NTM: variants seen among roughly 807,000 people sequenced by gnomAD.
NTM encodes the protein IgLON family member 2.
A neutral mutation model predicts 42.1 loss-of-function variants in NTM; 13 were observed. The ratio of observed to expected loss-of-function variants is 0.31; its 90% CI spans 0.20 to 0.49. The LOEUF (loss-of-function observed/expected upper bound fraction) is 0.49, where lower values mean the gene tolerates loss of function less well. NTM is among the 20% of genes least tolerant of loss of function. The pLI, the probability that NTM is intolerant of heterozygous loss-of-function variation, is 0.99. For missense variants in NTM, 373 were observed against 452.8 expected, an observed-to-expected ratio of 0.82 and a Z score of 1.60; for synonymous variants, 187 against 179.2, an observed-to-expected ratio of 1.04 and a Z score of -0.35.
At chr11:131,476,408 T>C (rs1952946768) in intron 1 of NTM, among the ~76,000 whole-genome samples, 1 of 152,150 alleles carries the variant, frequency 6.6e-6, no homozygotes, top group Non-Finnish European at 1.5e-5. Context: ...TTGGAGAAGG[T>C]CTCCCTGCTC....
intron 1 of NTM, among the ~76,000 whole-genome samples, chr11:131,628,763 A>G (rs1437280374): frequency 7.2e-5 from 11 of 152,246 alleles, no homozygotes. Flanking sequence ...ACTGTAAGAC[A>G]CTAAACGGTG....
rs576433663 is a variant in NTM at position 131,677,841 on chromosome 11, T to C, written c.83-233723T>C. On this transcript the variant is annotated intron_variant, in intron 1 of 8. Coordinates refer to ENST00000683400, the MANE Select transcript of NTM (RefSeq NM_001352005.2). ...CTGGCATCCTTGTCCCCTCCACTCCTCCTATGCCATCCTTGGTGGCCCTAT... is the reference window on the plus strand; with the variant it reads ...CTGGCATCCTTGTCCCCTCCACTCCCCCTATGCCATCCTTGGTGGCCCTAT... Among the ~76,000 whole-genome samples the C allele has an allele frequency of 3.3e-5, 5 of 152,270 alleles. No homozygotes were observed. In the East Asian group the frequency reaches 9.7e-4, roughly 29 times the overall value.
At chr11:132,060,434 C>T (rs1019972767) in intron 2 of NTM, among the ~76,000 whole-genome samples, 5 of 127,622 alleles carry the variant, frequency 3.9e-5, no homozygotes, top group Non-Finnish European at 9.5e-5. Context: ...GCGCTATGAA[C>T]AGAGGTTGTA....
At chr11:131,725,577 G>A (rs985685775) in intron 1 of NTM, among the ~76,000 whole-genome samples, 1 of 152,150 alleles carries the variant, frequency 6.6e-6, no homozygotes, top group African/African-American at 2.4e-5. Flanking sequence ...GAGTTAGAAG[G>A]AAAACTTGCA....
At chr11:131,472,025 A>G (rs1026979994) in intron 1 of NTM, among the ~76,000 whole-genome samples, 9 of 152,206 alleles carry the variant, frequency 5.9e-5, no homozygotes, top group Non-Finnish European at 1.2e-4. Context: ...GTTTCAATTA[A>G]CAGGAGGCAC....
At chr11:132,187,633 A>T (rs2078643308) in intron 3 of NTM, among the ~76,000 whole-genome samples, 1 of 152,156 alleles carries the variant, frequency 6.6e-6, no homozygotes. Context: ...GGGCAGTGAG[A>T]TGGAGCTGAG....
At chr11:131,636,052 G>A (rs1358772642) in intron 1 of NTM, among the ~76,000 whole-genome samples, 1 of 152,156 alleles carries the variant, frequency 6.6e-6, no homozygotes, top group East Asian at 1.9e-4. Context: ...TGGGGAGATG[G>A]CCATAGGATG....
rs555158259 is a variant in NTM, at chr11:132,043,391, G to A, written c.168-102891G>A. On this transcript the variant is annotated intron_variant, in intron 2 of 8. Transcript: ENST00000683400. ...CCACTTTAACAAATGTGAGCCATGT[G>A]CATTTCAGCTAAGATGAGGGAGGGT... Among the ~76,000 whole-genome samples the A allele has an allele frequency of 3.3e-5, 5 of 152,316 alleles. No homozygotes were observed. The South Asian group carries it at 8.3e-4, about 25-fold the overall frequency.
At chr11:132,085,148 T>A (rs2059545516) in intron 2 of NTM, among the ~76,000 whole-genome samples, 2 of 152,230 alleles carry the variant, frequency 1.3e-5, no homozygotes, top group African/African-American at 4.8e-5. Context: ...TAAAGCAATA[T>A]TTTATCCCAA....
At chr11:131,828,280 G>A (rs752502466) in intron 1 of NTM, among the ~76,000 whole-genome samples, 5 of 151,826 alleles carry the variant, frequency 3.3e-5, no homozygotes, top group African/African-American at 7.3e-5. Context: ...TTACCACCAC[G>A]ACCACTTTCA....
intron 2 of NTM, among the ~76,000 whole-genome samples, chr11:131,928,190 T>C (rs2134050947): frequency 6.6e-6 from 1 of 152,226 alleles, no homozygotes; most frequent in East Asian, 1.9e-4. Flanking sequence ...ACATGATAAA[T>C]GCTTTACAAG....
intron 4 of NTM, among the ~76,000 whole-genome samples, chr11:132,282,249 A>G (rs907903396): frequency 1.3e-5 from 2 of 152,218 alleles, no homozygotes; most frequent in African/African-American, 4.8e-5. Flanking sequence ...TGAGACATCA[A>G]TATTTGCATT....
At chr11:131,779,476 C>T (rs762116848) in intron 1 of NTM, among the ~76,000 whole-genome samples, 8 of 151,944 alleles carry the variant, frequency 5.3e-5, no homozygotes, top group Non-Finnish European at 1.2e-4. Flanking sequence ...TTTTAAGCAC[C>T]AGCAATATGA....
At chr11:131,946,385 A>C (rs187570094) in intron 2 of NTM, among the ~76,000 whole-genome samples, 5 of 152,364 alleles carry the variant, frequency 3.3e-5, no homozygotes, top group Admixed American at 3.3e-4. Flanking sequence ...AATGCACCTA[A>C]GGCACATACA....
At chr11:131,752,764 G>A (rs955016715) in intron 1 of NTM, among the ~76,000 whole-genome samples, 2 of 146,462 alleles carry the variant, frequency 1.4e-5, no homozygotes, top group South Asian at 2.2e-4. Flanking sequence ...AGACTTAAAC[G>A]TTAGCCCTAA....
intron 1 of NTM, among the ~76,000 whole-genome samples, chr11:131,855,833 T>G (rs1304819212): frequency 6.6e-6 from 1 of 152,210 alleles, no homozygotes; most frequent in East Asian, 1.9e-4. Flanking sequence ...TGCATGGATT[T>G]TGACTTCCTT....
intron 2 of NTM, among the ~76,000 whole-genome samples, chr11:131,945,676 C>A (rs930693791): frequency 6.6e-6 from 1 of 152,166 alleles, no homozygotes; most frequent in African/African-American, 2.4e-5. Context: ...GAAGAAAGGA[C>A]AAATTGCATA....
At chr11:131,709,574 G>A (rs1299041276) in intron 1 of NTM, among the ~76,000 whole-genome samples, 1 of 152,174 alleles carries the variant, frequency 6.6e-6, no homozygotes, top group East Asian at 1.9e-4. Context: ...GATGGAGTTG[G>A]ATAACAGAGA....
intron 2 of NTM, among the ~76,000 whole-genome samples, chr11:132,074,541 T>A (rs1401139281): frequency 1.3e-5 from 1 of 74,742 alleles, no homozygotes; most frequent in African/African-American, 7.1e-5. Context: ...TAATAACAGC[T>A]TTTTTTTTTT....
Sources: allele counts gnomAD v4.1 joint callset (sites outside exome capture counted in the v4.1 genomes callset), GRCh38; gene constraint gnomAD v4.1.1; transcripts MANE v1.5; gene names NCBI Gene and HGNC (gene_info 2026-07-23, HGNC 2026-07-21).